Variants in NDUFA10 observed in about 807,000 individuals in gnomAD.
NDUFA10 encodes NADH:ubiquinone oxidoreductase subunit A10, also known as NADH dehydrogenase [ubiquinone] 1 alpha subcomplex subunit 10, mitochondrial.
In NDUFA10, 40 loss-of-function variants were observed where a neutral mutation model predicts 47.8. The observed-to-expected ratio is 0.84, with a 90% CI of 0.65 to 1.09. The LOEUF is 1.09. Among genes scored for constraint, NDUFA10 ranks in the 50% least tolerant of loss-of-function variants. NDUFA10 has a pLI of 0.00. For synonymous variants in NDUFA10, 183 were observed against 172.2 expected (o/e 1.06, Z -0.49); for missense variants, 413 against 451.1 (o/e 0.92, Z 0.76).
At chr2:240,014,500 A>C in intron 5 of NDUFA10, 3 of 551,914 alleles carry the variant, frequency 5.4e-6, no homozygotes, top group Non-Finnish European at 9.7e-6. Flanking sequence ...GGACTCGGGG[A>C]CCACAGTGGG....
intron 9 of NDUFA10, 26 bp from the exon 10 acceptor site, chr2:239,961,212 A>G (rs1553561967): frequency 1.2e-6 from 2 of 1,614,122 alleles, no homozygotes; most frequent in Non-Finnish European, 1.7e-6. Context: ...GCATTGGTGC[A>G]TTCTGTTTAA....
intron 4 of NDUFA10, among the ~76,000 whole-genome samples, chr2:239,933,926 C>G (rs1694220531): frequency 6.6e-6 from 1 of 152,194 alleles, no homozygotes; most frequent in African/African-American, 2.4e-5. Flanking sequence ...GACACGATCA[C>G]AGCTCATTGC....
Position 239,987,786 on chromosome 2 carries a change from T to C in NDUFA10, c.999+2288A>G, listed in dbSNP as rs1215783882. Among the ~76,000 whole-genome samples, 5 of 152,236 alleles carry C rather than the reference T, an allele frequency of 3.3e-5. No individual in the cohort carries two copies. The stretch of plus-strand genomic sequence containing the variant: ...ACAGCTCCGAACAGTCGCAGATGCC[T>C]GTGGGACTAACACGTATGGAGAATT... On this transcript the variant is annotated intron_variant, in intron 9 of 9. Coordinates refer to ENST00000252711, the MANE Select transcript of NDUFA10 (RefSeq NM_004544.4). The surrounding 1 kb of genome is among the most constrained non-coding windows in gnomAD (Gnocchi z 4.8).
At chr2:239,970,740 C>T (rs955099580) in intron 9 of NDUFA10, among the ~76,000 whole-genome samples, 5 of 152,104 alleles carry the variant, frequency 3.3e-5, no homozygotes, top group African/African-American at 7.2e-5. Flanking sequence ...TGAAACCCTA[C>T]AGCAATCATC....
At chr2:239,991,683 C>T (rs1696253357) in intron 8 of NDUFA10, among the ~76,000 whole-genome samples, 1 of 152,176 alleles carries the variant, frequency 6.6e-6, no homozygotes, top group Admixed American at 6.5e-5. Flanking sequence ...AAGTACGTAT[C>T]TTCTTACTGT....
intron 4 of NDUFA10, among the ~76,000 whole-genome samples, chr2:239,915,811 C>T (rs1693857214): frequency 6.6e-6 from 1 of 151,112 alleles, no homozygotes; most frequent in Admixed American, 6.6e-5. Context: ...GACAGAGAGA[C>T]ACACAGAGAT....
At chr2:239,922,092 TCCTTCCTC>T (rs59750680) in intron 4 of NDUFA10, among the ~76,000 whole-genome samples, 58,245 of 147,808 alleles carry the variant, frequency 0.39, 12,418 homozygotes, top group African/African-American at 0.56. Context: ...CTTGTTTCCT[TCCTTCCTC>T]CCTTCCTCCC....
intron 8 of NDUFA10, among the ~76,000 whole-genome samples, chr2:240,002,132 C>T (rs1490434302): frequency 3.3e-5 from 5 of 152,206 alleles, no homozygotes; most frequent in Admixed American, 1.3e-4. Context: ...GAGTTCAAGA[C>T]CAGTCTGCCC....
chr2:240,018,346 G>A, intron 4 of NDUFA10: 1 of 1,449,804 alleles, frequency 6.9e-7, no homozygotes, highest in Non-Finnish European at 9.3e-7. Flanking sequence ...AGGGAGACAT[G>A]ACAGCACAAA....
At chr2:240,020,278 T>G (rs1251382825) in intron 3 of NDUFA10, among the ~76,000 whole-genome samples, 2 of 152,144 alleles carry the variant, frequency 1.3e-5, no homozygotes, top group Non-Finnish European at 2.9e-5. Context: ...TCAGGGGCAC[T>G]GCCAATCAAC....
chr2:240,002,139 G>T (rs913319582), intron 8 of NDUFA10, among the ~76,000 whole-genome samples: 6 of 152,208 alleles, frequency 3.9e-5, no homozygotes, highest in African/African-American at 1.4e-4. Context: ...AGACCAGTCT[G>T]CCCAACATGG....
rs544640052 is a variant in NDUFA10, at chr2:239,945,240, C to T, written c.294+44834G>A. Among the ~76,000 whole-genome samples the T allele has an allele frequency of 1.1e-4, 16 of 152,338 alleles. No individual in the cohort carries two copies. The highest frequency in any genetic ancestry group is 3.4e-4 in the African/African-American group (14 of 41,578). On this transcript the variant is annotated intron_variant, in intron 4 of 5. Coordinates refer to the NDUFA10 transcript ENST00000419408. The surrounding 1 kb of genome is among the most constrained non-coding windows in gnomAD (Gnocchi z 4.6). ...GGCGTTGAGCAGGCCGCTCTGCAGA[C>T]GCTGGGCTCCTTCATTTGCACAACC... is the stretch of plus-strand genomic sequence containing the variant.
chr2:240,003,240 G>A (rs1278896534), intron 8 of NDUFA10, among the ~76,000 whole-genome samples: 2 of 152,020 alleles, frequency 1.3e-5, no homozygotes, highest in Non-Finnish European at 2.9e-5. Flanking sequence ...GTCATCCTAG[G>A]AGACTACTGT....
At chr2:239,998,313 C>T (rs1425549587) in intron 8 of NDUFA10, among the ~76,000 whole-genome samples, 1 of 152,222 alleles carries the variant, frequency 6.6e-6, no homozygotes, top group Non-Finnish European at 1.5e-5. Context: ...TGCTCAGTTC[C>T]CTTGCCCCTC....
intron 8 of NDUFA10, among the ~76,000 whole-genome samples, chr2:240,001,786 C>T (rs1483622813): frequency 6.6e-6 from 1 of 152,234 alleles, no homozygotes; most frequent in Non-Finnish European, 1.5e-5. Flanking sequence ...ACAAAAATGG[C>T]TGCACAGGGA....
At chr2:239,983,834 C>A in intron 9 of NDUFA10, 1 of 1,450,188 alleles carries the variant, frequency 6.9e-7, no homozygotes, top group South Asian at 1.4e-5. Flanking sequence ...CCTAAGGAGA[C>A]ATGAGGACCC....
At chr2:239,977,484 G>A (rs1252652970) in intron 9 of NDUFA10, among the ~76,000 whole-genome samples, 1 of 152,188 alleles carries the variant, frequency 6.6e-6, no homozygotes, top group Admixed American at 6.5e-5. Flanking sequence ...GCAGGTGAGA[G>A]GATTCACAGG....
intron 9 of NDUFA10, among the ~76,000 whole-genome samples, chr2:239,988,535 A>G (rs1338884052): frequency 2.0e-5 from 3 of 152,100 alleles, no homozygotes; most frequent in Non-Finnish European, 4.4e-5. Context: ...CTTACTGGAG[A>G]AGGACTGAGG....
intron 4 of NDUFA10, among the ~76,000 whole-genome samples, chr2:239,898,456 C>A (rs541551372): frequency 6.6e-5 from 10 of 152,334 alleles, no homozygotes; most frequent in African/African-American, 2.4e-4. Context: ...CCCCGGCCCA[C>A]AAGTGAATTC....
Sources: gnomAD v4.1 joint callset for allele counts (sites outside exome capture counted in the v4.1 genomes callset) on GRCh38, gnomAD v4.1.1 for gene constraint, Gnocchi (gnomAD v3.1) non-coding constraint, MANE v1.5 for transcripts, NCBI Gene and HGNC (gene_info 2026-07-23, HGNC 2026-07-21) for gene names.